Variants in CEP128 observed in about 807,000 individuals in gnomAD.
CEP128 encodes centrosomal protein 128kDa.
Under a neutral mutation model 156.7 loss-of-function variants are expected in CEP128, and 132 were observed. The observed-to-expected ratio is 0.84, with a 90% CI of 0.73 to 0.97. The LOEUF (loss-of-function observed/expected upper bound fraction) is 0.97. CEP128 is among the 50% of genes least tolerant of loss of function. The pLI is 0.00. For missense variants in CEP128, 1,252 were observed against 1,281.9 expected, an observed-to-expected ratio of 0.98 and a Z score of 0.36; for synonymous variants, 469 against 448.9, an observed-to-expected ratio of 1.04 and a Z score of -0.57.
At chr14:80,503,392 A>G (rs2140187394) in intron 24 of CEP128, among the ~76,000 whole-genome samples, 1 of 152,302 alleles carries the variant, frequency 6.6e-6, no homozygotes, top group African/African-American at 2.4e-5. Context: ...TTGAAACCTA[A>G]ATACAGGTTC....
intron 19 of CEP128, among the ~76,000 whole-genome samples, chr14:80,694,987 A>G (rs954545610): frequency 2.6e-5 from 4 of 152,076 alleles, no homozygotes; most frequent in Non-Finnish European, 5.9e-5. Flanking sequence ...CACATTAACC[A>G]TAAATAAGAA....
intron 2 of CEP128, among the ~76,000 whole-genome samples, chr14:80,953,860 A>G (rs1886525795): frequency 6.6e-6 from 1 of 152,192 alleles, no homozygotes; most frequent in Non-Finnish European, 1.5e-5. Flanking sequence ...ATATAAATGA[A>G]TCATTAATAT....
chr14:80,580,679 A>G (rs1251035161), intron 19 of CEP128, among the ~76,000 whole-genome samples: 1 of 152,214 alleles, frequency 6.6e-6, no homozygotes, highest in Non-Finnish European at 1.5e-5. Context: ...ATACCAAAGG[A>G]TGACATCAAA....
intron 21 of CEP128, among the ~76,000 whole-genome samples, chr14:80,551,228 T>G (rs1453369307): frequency 6.6e-6 from 1 of 152,206 alleles, no homozygotes; most frequent in African/African-American, 2.4e-5. Flanking sequence ...ACCATTTAGT[T>G]CCTATTTCTG....
chr14:80,568,914 T>C (rs908026348), intron 20 of CEP128, among the ~76,000 whole-genome samples: 4 of 152,156 alleles, frequency 2.6e-5, no homozygotes, highest in Non-Finnish European at 5.9e-5. Context: ...AACTGTTCAG[T>C]CCCAAATATC....
At chr14:80,836,022 G>T (rs1024372877) in intron 12 of CEP128, among the ~76,000 whole-genome samples, 183 bp downstream of exon 12, 1 of 152,162 alleles carries the variant, frequency 6.6e-6, no homozygotes, top group Admixed American at 6.5e-5. Context: ...AAGCAGGGAA[G>T]ATATTAAAAT....
At chr14:80,657,923 T>A (rs1895242843) in intron 19 of CEP128, among the ~76,000 whole-genome samples, 1 of 152,168 alleles carries the variant, frequency 6.6e-6, no homozygotes, top group Admixed American at 6.5e-5. Flanking sequence ...TTTAAAAACC[T>A]TTTTTGAAGG....
In CEP128 at chr14:80,720,413, A is replaced by G. The variant is rs562658000; in HGVS notation, c.2806+22662T>C. Among the ~76,000 whole-genome samples, 88 of 152,324 alleles carry G rather than the reference A, an allele frequency of 5.8e-4. 1 individual carries two copies. In the South Asian group the frequency reaches 0.018, roughly 31 times the overall value. On this transcript the variant is annotated intron_variant, in intron 19 of 24. Coordinates refer to ENST00000555265, the MANE Select transcript of CEP128 (RefSeq NM_152446.5). ...AATGACAGGAAAGGGCCATGATTAA[A>G]TGTGGATAAGGAGATATTGTGTCAT... is the stretch of plus-strand genomic sequence containing the variant.
chr14:80,948,007 C>T (rs17615911), intron 2 of CEP128, among the ~76,000 whole-genome samples: 65,465 of 151,972 alleles, frequency 0.43, 14,484 homozygotes, highest in Middle Eastern at 0.53. Context: ...TCAAGCTCCC[C>T]TATAGTATCA....
rs148061693 is a variant in CEP128, at chr14:80,719,193, C to A, written c.2806+23882G>T. 1.7e-3 allele frequency among the ~76,000 whole-genome samples: 253 copies of A among 152,310 alleles called. 3 individuals are homozygous for A. Among genetic ancestry groups the A allele is most frequent in the African/African-American group, 5.8e-3 (243 of 41,574 alleles). ...TTCCATGGCAACAATGCAGAAGTTA[C>A]TGCCCCTTTCCTTGGAAGTTCTAAA... is the stretch of plus-strand genomic sequence containing the variant. On this transcript the variant is annotated intron_variant, in intron 19 of 24. Transcript: ENST00000555265.
rs34446741 is a variant in CEP128 at position 80,743,876 on chromosome 14, CT to C, written c.2614-610del. Among the ~76,000 whole-genome samples the C allele has an allele frequency of 2.0e-3, 287 of 143,344 alleles. 2 individuals carry two copies. Among genetic ancestry groups the C allele is most frequent in the African/African-American group, 6.0e-3 (236 of 39,440 alleles). The allele number at this position is 143,344 out of a possible 152,430, so 94.0% of individuals were successfully genotyped here. ...TCTTTCTTTCTCTCTCTCTCTCACTCTTTTTTTTTTTTCGAGACATAATCTC... is the reference window on the plus strand; with the variant it reads ...TCTTTCTTTCTCTCTCTCTCTCACTCTTTTTTTTTTTCGAGACATAATCTC... On this transcript the variant is annotated intron_variant, in intron 18 of 24. Transcript: ENST00000555265.
intron 19 of CEP128, among the ~76,000 whole-genome samples, chr14:80,610,862 G>A (rs1373400425): frequency 7.2e-5 from 11 of 151,942 alleles, no homozygotes; most frequent in African/African-American, 2.4e-5. Flanking sequence ...AAAAGAACGA[G>A]GAAGTTCATT....
chr14:80,902,135 C>A (rs1429131487), intron 6 of CEP128, among the ~76,000 whole-genome samples: 3 of 152,190 alleles, frequency 2.0e-5, no homozygotes, highest in African/African-American at 7.2e-5. Context: ...CCCTATGCAT[C>A]TTTCCACTAT....
intron 2 of CEP128, among the ~76,000 whole-genome samples, chr14:80,920,516 A>G: frequency 6.6e-6 from 1 of 152,204 alleles, no homozygotes; most frequent in East Asian, 1.9e-4. Context: ...CTATAATTAA[A>G]AATTAATTTT....
At chr14:80,737,270 G>A (rs1290108345) in intron 19 of CEP128, among the ~76,000 whole-genome samples, 1 of 152,024 alleles carries the variant, frequency 6.6e-6, no homozygotes, top group Non-Finnish European at 1.5e-5. Context: ...CAGGCGTGGT[G>A]GCACACACCT....
chr14:80,836,261 GA>G lies in CEP128; in HGVS notation c.1000del (p.Ser334ProfsTer35). On this transcript the variant is annotated frameshift_variant, in exon 12 of 25. Transcript: ENST00000555265. LOFTEE classifies it high-confidence loss of function. ...KGLQHQVSQI[S>X]KQQSNYQDEQ... ...ATCCTGATAGTTTGACTGTTGCTTG[GA>G]AATCTGAGATACTTGATGCTGTAAA... 6.2e-7 allele frequency: 1 copy of G among 1,613,986 alleles called. No homozygotes were observed. Among genetic ancestry groups the G allele is most frequent in the Non-Finnish European group, 8.5e-7 (1 of 1,179,938 alleles).
At chr14:80,934,326 T>C (rs899482875) in intron 2 of CEP128, among the ~76,000 whole-genome samples, 2 of 152,234 alleles carry the variant, frequency 1.3e-5, no homozygotes, top group Non-Finnish European at 2.9e-5. Flanking sequence ...CAAAAGTTTA[T>C]TGAGCAGACC....
intron 19 of CEP128, among the ~76,000 whole-genome samples, chr14:80,714,710 C>T (rs1897539093): frequency 6.6e-6 from 1 of 151,910 alleles, no homozygotes; most frequent in African/African-American, 2.4e-5. Flanking sequence ...GAACTACTCT[C>T]CCCATCCATC....
intron 21 of CEP128, among the ~76,000 whole-genome samples, chr14:80,557,198 A>C (rs1003358914): frequency 2.0e-5 from 3 of 152,206 alleles, no homozygotes; most frequent in Non-Finnish European, 4.4e-5. Context: ...AGATAAAAAC[A>C]ATTAACAAAT....
Sources: allele counts gnomAD v4.1 joint callset (sites outside exome capture counted in the v4.1 genomes callset), GRCh38; gene constraint gnomAD v4.1.1; transcripts MANE v1.5; gene names NCBI Gene and HGNC (gene_info 2026-07-23, HGNC 2026-07-21).